FA2H: variants seen among roughly 807,000 people sequenced by gnomAD.
The protein encoded by FA2H is fatty acid 2-hydroxylase, also known as fatty acid alpha-hydroxylase.
Under a neutral mutation model 44.9 loss-of-function variants are expected in FA2H, and 22 were observed. The ratio of observed to expected loss-of-function variants is 0.49; its 90% CI spans 0.35 to 0.70. The LOEUF (loss-of-function observed/expected upper bound fraction) is 0.70, where lower values mean the gene tolerates loss of function less well. FA2H is among the 30% of genes least tolerant of loss of function. FA2H has a pLI of 0.01. For missense variants in FA2H, 501 were observed against 504.9 expected, an observed-to-expected ratio of 0.99 and a Z score of 0.07; for synonymous variants, 243 against 213.2, an observed-to-expected ratio of 1.14 and a Z score of -1.22.
At chr16:74,764,625 G>A (rs982073740) in intron 1 of FA2H, among the ~76,000 whole-genome samples, 1 of 151,924 alleles carries the variant, frequency 6.6e-6, no homozygotes, top group Admixed American at 6.6e-5. Context: ...ATGGGTACTA[G>A]ACTTAACACC....
chr16:74,722,546 AAAGAAAAG>A (rs1961862214), intron 4 of FA2H, among the ~76,000 whole-genome samples: 1 of 152,034 alleles, frequency 6.6e-6, no homozygotes, highest in Non-Finnish European at 1.5e-5. Flanking sequence ...AAAAAGAAAA[AAAGAAAAG>A]AAAACGTAGG....
At chr16:74,749,183 C>T (rs887548494) in intron 1 of FA2H, among the ~76,000 whole-genome samples, 40 of 152,214 alleles carry the variant, frequency 2.6e-4, no homozygotes, top group Admixed American at 1.9e-3. Context: ...TTGGTAAAAG[C>T]TTTCGGCTGA....
intron 2 of FA2H, among the ~76,000 whole-genome samples, chr16:74,732,226 A>G (rs1962085567): frequency 6.6e-6 from 1 of 152,098 alleles, no homozygotes; most frequent in African/African-American, 2.4e-5. Context: ...CATGTTACAC[A>G]TGACAGATAC....
intron 1 of FA2H, among the ~76,000 whole-genome samples, chr16:74,755,249 G>A (rs544293904): frequency 3.3e-5 from 5 of 151,418 alleles, no homozygotes; most frequent in East Asian, 1.9e-4. Flanking sequence ...ATGCCATCTC[G>A]GCTCACTGCA....
chr16:74,741,808 A>ATATATATATGTGTGTGTG (rs1491185782), intron 1 of FA2H, among the ~76,000 whole-genome samples: 6 of 48,416 alleles, frequency 1.2e-4, no homozygotes, highest in African/African-American at 4.3e-4. Flanking sequence ...ATATATATAT[A>ATATATATATGTGTGTGTG]TGTGTGTGTG....
intron 3 of FA2H, 41 bp from the exon 4 acceptor site, chr16:74,726,372 G>C: frequency 8.0e-7 from 1 of 1,254,268 alleles, no homozygotes; most frequent in Non-Finnish European, 1.2e-6. Flanking sequence ...ACATGCACAG[G>C]AGCTTGACAG....
At chr16:74,753,069 C>T (rs1359971717) in intron 1 of FA2H, among the ~76,000 whole-genome samples, 1 of 152,254 alleles carries the variant, frequency 6.6e-6, no homozygotes, top group African/African-American at 2.4e-5. Flanking sequence ...GCTGAAGGGA[C>T]TCCTTGCCCT....
At chr16:74,734,598 CA>C (rs1205664569) in intron 2 of FA2H, among the ~76,000 whole-genome samples, 1 of 152,224 alleles carries the variant, frequency 6.6e-6, no homozygotes, top group East Asian at 1.9e-4. Context: ...AGCAGCACGG[CA>C]GGGGGAAAGG....
chr16:74,754,261 T>A (rs923329320), intron 1 of FA2H, among the ~76,000 whole-genome samples: 2 of 152,140 alleles, frequency 1.3e-5, no homozygotes, highest in Non-Finnish European at 2.9e-5. Context: ...CCAGGTGTGG[T>A]GGCACGTGCC....
chr16:74,732,279 G>A (rs6564163), intron 2 of FA2H, among the ~76,000 whole-genome samples: 15,439 of 152,210 alleles, frequency 0.1, 1,083 homozygotes, highest in African/African-American at 0.2. Context: ...CAGACTGAGC[G>A]ATCTTGAACT....
chr16:74,740,595 G>T (rs1340844102), intron 1 of FA2H, among the ~76,000 whole-genome samples: 1 of 149,342 alleles, frequency 6.7e-6, no homozygotes, highest in Non-Finnish European at 1.5e-5. Context: ...CTCCAGCCTG[G>T]ACGACAGAGC....
intron 2 of FA2H, among the ~76,000 whole-genome samples, chr16:74,733,574 G>C (rs1962120872): frequency 6.6e-6 from 1 of 152,160 alleles, no homozygotes; most frequent in Non-Finnish European, 1.5e-5. Flanking sequence ...TTCCAGTCGT[G>C]AGCACTGAAG....
chr16:74,736,482 A>G (rs1829378278), intron 2 of FA2H, among the ~76,000 whole-genome samples: 1 of 152,018 alleles, frequency 6.6e-6, no homozygotes, highest in Non-Finnish European at 1.5e-5. Context: ...TCAGTGACTG[A>G]TCTGGGGGTC....
At chr16:74,752,445 A>C (rs1291021637) in intron 1 of FA2H, among the ~76,000 whole-genome samples, 1 of 152,124 alleles carries the variant, frequency 6.6e-6, no homozygotes, top group Non-Finnish European at 1.5e-5. Flanking sequence ...ATGCTCCAGC[A>C]ATGCCAGAGT....
chr16:74,715,530 C>G (rs1385266790), intron 6 of FA2H, among the ~76,000 whole-genome samples: 1 of 152,212 alleles, frequency 6.6e-6, no homozygotes, highest in African/African-American at 2.4e-5. Context: ...TGGCTTCAAG[C>G]AATCCCCTGC....
intron 2 of FA2H, among the ~76,000 whole-genome samples, chr16:74,732,757 C>G (rs186285173): frequency 2.6e-5 from 4 of 152,224 alleles, no homozygotes; most frequent in South Asian, 2.1e-4. Context: ...AGGATTCATA[C>G]GTTGAATTCA....
In FA2H at chr16:74,774,707, G is replaced by A; in HGVS notation, c.49C>T (p.Gln17Ter). 7.4e-7 allele frequency: 1 copy of A among 1,357,028 alleles called. No individual in the cohort carries two copies. The highest frequency in any genetic ancestry group is 1.9e-5 in the South Asian group (1 of 52,470). 84.1% of individuals were successfully genotyped at this position (1,357,028 alleles called of 1,614,324 possible). A position where few individuals can be genotyped will look rare whatever the true frequency, so the allele number is the denominator to read the frequency against. The stretch of plus-strand genomic sequence containing the variant: ...CACGCGCCGGCCGCCAGGCGCCGCT[G>A]GACCTCGGAGGGCGAGAAGGAGGCG... The part of the protein sequence containing the change: ...PAASFSPSEV[Q>*]RRLAAGACWV... The change falls in exon 1 of 7, where the codon CAG (glutamine) becomes TAG (stop). Residue 17 changes from glutamine to a stop codon, truncating the protein, a stop_gained. Coordinates refer to ENST00000219368, the MANE Select transcript of FA2H (RefSeq NM_024306.5). LOFTEE classifies it high-confidence loss of function.
intron 1 of FA2H, among the ~76,000 whole-genome samples, chr16:74,754,995 C>T (rs928925790): frequency 1.3e-5 from 2 of 152,062 alleles, no homozygotes; most frequent in Admixed American, 6.6e-5. Context: ...GAGATGGAAG[C>T]GATACAACTA....
intron 1 of FA2H, among the ~76,000 whole-genome samples, chr16:74,747,930 C>A (rs1018088168): frequency 6.6e-6 from 1 of 152,134 alleles, no homozygotes; most frequent in Non-Finnish European, 1.5e-5. Flanking sequence ...GAGAGGGAAT[C>A]CAACCAGAAG....
Sources: gnomAD v4.1 joint callset for allele counts (sites outside exome capture counted in the v4.1 genomes callset) on GRCh38, gnomAD v4.1.1 for gene constraint, MANE v1.5 for transcripts, NCBI Gene and HGNC (gene_info 2026-07-23, HGNC 2026-07-21) for gene names.